The following SSH2 variants were observed in gnomAD, a reference collection of about 807,000 sequenced individuals.
SSH2 encodes the protein slingshot protein phosphatase 2.
A neutral mutation model predicts 135.2 loss-of-function variants in SSH2; 37 were observed. The ratio of observed to expected loss-of-function variants is 0.27; its 90% CI spans 0.21 to 0.36. The LOEUF (loss-of-function observed/expected upper bound fraction) is 0.36, where lower values mean the gene tolerates loss of function less well. Ranked by LOEUF, SSH2 falls within the 10% of genes least tolerant of loss-of-function variation. The pLI is 1.00. For missense variants in SSH2, 1,408 were observed against 1,765.3 expected, an observed-to-expected ratio of 0.80 and a Z score of 3.63; for synonymous variants, 628 against 646.2, an observed-to-expected ratio of 0.97 and a Z score of 0.43.
At chr17:29,817,732 A>C (rs1466174408) in intron 2 of SSH2, among the ~76,000 whole-genome samples, 1 of 152,108 alleles carries the variant, frequency 6.6e-6, no homozygotes, top group Non-Finnish European at 1.5e-5. Flanking sequence ...TTTGCAGATA[A>C]CCTATGAACA....
rs138384356 is a variant in SSH2, at chr17:29,705,615, A to T, written c.189-2553T>A. 2.6e-4 allele frequency among the ~76,000 whole-genome samples: 40 copies of T among 152,274 alleles called. No homozygotes were observed. In the East Asian group the frequency reaches 7.1e-3, roughly 27 times the overall value. ...TCCAAATGCTTCCTTTTGTACTTGTAAATAAAAAAACCAGTCTTTAGCTTG... is the reference window on the plus strand; with the variant it reads ...TCCAAATGCTTCCTTTTGTACTTGTTAATAAAAAAACCAGTCTTTAGCTTG... On this transcript the variant is annotated intron_variant, in intron 3 of 15. Transcript: ENST00000540801.
At chr17:29,859,142 A>C (rs754488952) in intron 1 of SSH2, among the ~76,000 whole-genome samples, 3 of 152,106 alleles carry the variant, frequency 2.0e-5, no homozygotes, top group Non-Finnish European at 4.4e-5. Flanking sequence ...AGGAGAATCA[A>C]TTTCTTTGCC....
At chr17:29,679,257 ATGGTGTAC>A (rs1294039398) in intron 6 of SSH2, among the ~76,000 whole-genome samples, 1 of 152,170 alleles carries the variant, frequency 6.6e-6, no homozygotes, top group Admixed American at 6.5e-5. Flanking sequence ...GAGCGGAAGC[ATGGTGTAC>A]TAGAAAGAAT....
chr17:29,745,617 C>T (rs1324166343), intron 3 of SSH2, among the ~76,000 whole-genome samples: 1 of 152,162 alleles, frequency 6.6e-6, no homozygotes, highest in African/African-American at 2.4e-5. Context: ...ATGTCTTGTA[C>T]TTCTTTTTTA....
At chr17:29,648,528 A>T (rs1355943167) in intron 13 of SSH2, among the ~76,000 whole-genome samples, 184 bp from the exon 14 acceptor site, 1 of 152,242 alleles carries the variant, frequency 6.6e-6, no homozygotes, top group African/African-American at 2.4e-5. Context: ...AGAGTGAGGC[A>T]GCTCACTACT....
intron 3 of SSH2, among the ~76,000 whole-genome samples, chr17:29,730,965 T>C (rs750746004): frequency 1.3e-5 from 2 of 152,218 alleles, no homozygotes; most frequent in Non-Finnish European, 2.9e-5. Flanking sequence ...AACCTTTCCA[T>C]AAATGGACTT....
At chr17:29,634,399 G>A (rs1269067232) in intron 15 of SSH2, among the ~76,000 whole-genome samples, 1 of 152,146 alleles carries the variant, frequency 6.6e-6, no homozygotes, top group Non-Finnish European at 1.5e-5. Context: ...TATATAAGAT[G>A]TCAGAAGTGT....
intron 6 of SSH2, among the ~76,000 whole-genome samples, chr17:29,679,457 G>A (rs2037876115): frequency 1.3e-5 from 2 of 151,716 alleles, no homozygotes; most frequent in Admixed American, 1.3e-4. Context: ...GCCCAGGCTG[G>A]AGTGCAATGG....
chr17:29,845,683 C>T (rs368689276), intron 2 of SSH2, among the ~76,000 whole-genome samples: 1 of 152,012 alleles, frequency 6.6e-6, no homozygotes, highest in Admixed American at 6.6e-5. Flanking sequence ...CCTTAGCCTC[C>T]CAAGTAGCTA....
chr17:29,768,641 A>T (rs1161852270), intron 3 of SSH2, among the ~76,000 whole-genome samples: 1 of 152,216 alleles, frequency 6.6e-6, no homozygotes, highest in Non-Finnish European at 1.5e-5. Context: ...AAAATTATTT[A>T]CTTCTAATTT....
At chr17:29,771,043 T>C (rs887361983) in intron 3 of SSH2, among the ~76,000 whole-genome samples, 1 of 152,214 alleles carries the variant, frequency 6.6e-6, no homozygotes, top group Non-Finnish European at 1.5e-5. Flanking sequence ...CAAACTTACA[T>C]AGTAAATGTC....
chr17:29,656,525 A>G (rs1207416850), intron 11 of SSH2, among the ~76,000 whole-genome samples: 1 of 152,220 alleles, frequency 6.6e-6, no homozygotes, highest in East Asian at 1.9e-4. Context: ...GTTAAAGGAC[A>G]GAACTTGTGT....
chr17:29,867,877 A>G (rs1433326997), intron 1 of SSH2, among the ~76,000 whole-genome samples: 1 of 152,210 alleles, frequency 6.6e-6, no homozygotes, highest in African/African-American at 2.4e-5. Flanking sequence ...GATATCAAGG[A>G]AGGCTAGAGA....
At chr17:29,643,761 T>C (rs2036261519) in intron 14 of SSH2, among the ~76,000 whole-genome samples, 1 of 152,188 alleles carries the variant, frequency 6.6e-6, no homozygotes, top group Non-Finnish European at 1.5e-5. Flanking sequence ...CCCAAAATGC[T>C]AGGATTATAG....
intron 11 of SSH2, among the ~76,000 whole-genome samples, chr17:29,656,708 CCTTTT>C (rs2036795323): frequency 1.3e-5 from 2 of 152,120 alleles, no homozygotes; most frequent in South Asian, 2.1e-4. Context: ...TCCTTCTTTC[CCTTTT>C]CTTTTAGTAC....
intron 1 of SSH2, among the ~76,000 whole-genome samples, chr17:29,869,341 C>T (rs1267506599): frequency 6.6e-6 from 1 of 152,086 alleles, no homozygotes; most frequent in Admixed American, 6.5e-5. Context: ...TGCCCGAAAT[C>T]CAAGCCAACC....
At chr17:29,702,835 C>A in intron 4 of SSH2, 124 bp downstream of exon 4, 2 of 811,036 alleles carry the variant, frequency 2.5e-6, no homozygotes, top group South Asian at 1.5e-5. Flanking sequence ...CATTACGGCC[C>A]TGTACAATGC....
chr17:29,928,376 A>G (rs943725618), intron 1 of SSH2: 28 of 395,840 alleles, frequency 7.1e-5, no homozygotes, highest in Admixed American at 4.4e-5. Flanking sequence ...TCAAATCACA[A>G]AATCTTAGAT....
chr17:29,766,622 T>A (rs1182959810), intron 3 of SSH2, among the ~76,000 whole-genome samples: 1 of 152,186 alleles, frequency 6.6e-6, no homozygotes, highest in Non-Finnish European at 1.5e-5. Context: ...GTGCTCAATT[T>A]TTGTATTTTT....
Sources: gnomAD v4.1 joint callset for allele counts (sites outside exome capture counted in the v4.1 genomes callset) on GRCh38, gnomAD v4.1.1 for gene constraint, MANE v1.5 for transcripts, NCBI Gene and HGNC (gene_info 2026-07-23, HGNC 2026-07-21) for gene names.